The following ANKFN1 variants were observed in gnomAD, a reference collection of about 807,000 sequenced individuals.
ANKFN1 encodes ankyrin repeat and fibronectin type III domain containing 1, also known as ankyrin repeat and fibronectin type-III domain-containing protein 1.
Under a neutral mutation model 108.7 loss-of-function variants are expected in ANKFN1, and 74 were observed. That is an observed-to-expected ratio of 0.68 (90% CI 0.56 to 0.83). The LOEUF is 0.83. ANKFN1 is among the 40% of genes least tolerant of loss of function. The pLI is 0.00. For synonymous variants in ANKFN1, 547 were observed against 516.2 expected, an observed-to-expected ratio of 1.06 and a Z score of -0.81; for missense variants, 1,505 against 1,382.3, an observed-to-expected ratio of 1.09 and a Z score of -1.41.
intron 1 of ANKFN1, among the ~76,000 whole-genome samples, chr17:56,156,861 T>TCACA (rs1344171651): frequency 1.3e-5 from 2 of 152,220 alleles, no homozygotes; most frequent in Non-Finnish European, 2.9e-5. Flanking sequence ...GTGGCTGCTT[T>TCACA]CACACCAGGG....
chr17:56,071,591 G>A (rs1359642406), intron 4 of ANKFN1, among the ~76,000 whole-genome samples: 1 of 152,174 alleles, frequency 6.6e-6, no homozygotes, highest in East Asian at 1.9e-4. Flanking sequence ...CCAACTGCCT[G>A]TAAAGTGGAC....
chr17:56,366,746 G>C (rs931046013), intron 6 of ANKFN1, among the ~76,000 whole-genome samples: 3 of 152,178 alleles, frequency 2.0e-5, no homozygotes, highest in African/African-American at 7.2e-5. Flanking sequence ...ATAGAGTCTG[G>C]CTGTGTGGTA....
Position 56,466,459 on chromosome 17 carries a change from A to T in ANKFN1, c.1661A>T (p.Tyr554Phe). The change falls in exon 15 of 21, where the codon TAT becomes TTT. Residue 554 changes from tyrosine to phenylalanine, a missense_variant. Tyr to Phe is a conservative substitution (Grantham distance 22). Transcript: ENST00000682825. ...ACCATCAGGGAGGTGGAGATGCTTT[A>T]TTCATTTTTTAATGGCAAATGGATG... ...IVTIREVEMLYSFFNGKWMQI... is the reference protein window; with the variant it reads ...IVTIREVEMLFSFFNGKWMQI... 1.2e-6 allele frequency: 2 copies of T among 1,614,168 alleles called. No individual in the cohort carries two copies. The highest frequency in any genetic ancestry group is 1.7e-6 in the Non-Finnish European group (2 of 1,180,030).
intron 9 of ANKFN1, among the ~76,000 whole-genome samples, chr17:56,441,903 C>CT (rs980270788): frequency 6.9e-4 from 100 of 145,738 alleles, no homozygotes; most frequent in South Asian, 1.3e-3. Context: ...CAAAGATGTG[C>CT]TTTTTTTTTT....
chr17:56,261,647 A>G (rs1008391708), intron 3 of ANKFN1, among the ~76,000 whole-genome samples: 30 of 152,212 alleles, frequency 2.0e-4, no homozygotes, highest in Admixed American at 5.9e-4. Context: ...TCCCATGTTC[A>G]AGGGCAGGAA....
intron 14 of ANKFN1, among the ~76,000 whole-genome samples, chr17:56,459,972 C>A (rs2049845169): frequency 6.6e-6 from 1 of 151,794 alleles, no homozygotes; most frequent in East Asian, 1.9e-4. Flanking sequence ...GAAAATATTC[C>A]ATTTTCTCCT....
At chr17:56,109,000 T>G (rs559649571) in intron 4 of ANKFN1, among the ~76,000 whole-genome samples, 1 of 152,194 alleles carries the variant, frequency 6.6e-6, no homozygotes, top group Non-Finnish European at 1.5e-5. Flanking sequence ...TAATCATTAA[T>G]AGAGTGGTTA....
At chr17:56,210,045 GATAGATAGATAGATAC>G (rs987235117) in intron 1 of ANKFN1, among the ~76,000 whole-genome samples, 29 of 145,502 alleles carry the variant, frequency 2.0e-4, no homozygotes, top group East Asian at 1.4e-3. Context: ...GTATATTATA[GATAGATAGATAGATAC>G]ATAGATAGAT....
rs138782531 is a variant in ANKFN1, at chr17:56,164,648, G to T, written c.-71+11118G>T. Among the ~76,000 whole-genome samples the T allele has an allele frequency of 4.3e-4, 66 of 152,286 alleles. 1 individual carries two copies. The East Asian group carries it at 0.011, about 25-fold the overall frequency. On this transcript the variant is annotated intron_variant, in intron 1 of 20. Transcript: ENST00000682825. ...AGCCTCTTTATTTGAAAATAGCAAA[G>T]TCTTTTTAACACAGTCAAATGCCCC...
chr17:56,328,678 C>A (rs1049207570), intron 4 of ANKFN1, among the ~76,000 whole-genome samples: 3 of 151,978 alleles, frequency 2.0e-5, no homozygotes, highest in African/African-American at 7.3e-5. Context: ...TTAGACAATA[C>A]CATCTCAATT....
rs183282741 is a variant in ANKFN1 at position 56,350,911 on chromosome 17, G to C, written c.334G>C (p.Asp112His). ...ACTGAAAGGGAGCCACTCTTCCTTC[G>C]ATGAGGCCTATTTTAGGACAAGAAC... ...EKLKGSHSSFDEAYFRTRTDR... is the reference protein window; with the variant it reads ...EKLKGSHSSFHEAYFRTRTDR... Residue 112 changes from aspartate to histidine, a missense_variant, in exon 5 of 21, where the codon GAT (aspartate) becomes CAT (histidine). Coordinates refer to ENST00000682825, the MANE Select transcript of ANKFN1 (RefSeq NM_001370326.1). 1.2e-6 allele frequency: 2 copies of C among 1,613,732 alleles called. No individual in the cohort carries two copies. Among genetic ancestry groups the C allele is most frequent in the East Asian group, 2.2e-5 (1 of 44,842 alleles).
At chr17:56,231,768 C>T (rs975746509) in intron 3 of ANKFN1, among the ~76,000 whole-genome samples, 4 of 152,132 alleles carry the variant, frequency 2.6e-5, no homozygotes, top group Non-Finnish European at 4.4e-5. Flanking sequence ...CCAAATTTCA[C>T]GTATTTCGGG....
intron 4 of ANKFN1, among the ~76,000 whole-genome samples, chr17:56,140,891 A>T (rs535905389): frequency 6.6e-6 from 1 of 152,188 alleles, no homozygotes; most frequent in Non-Finnish European, 1.5e-5. Flanking sequence ...TACACTCCCA[A>T]GTAGGACATC....
intron 2 of ANKFN1, among the ~76,000 whole-genome samples, chr17:56,227,615 T>C (rs1459966445): frequency 1.3e-5 from 2 of 152,164 alleles, no homozygotes; most frequent in Admixed American, 1.3e-4. Context: ...CCATGTTTTC[T>C]GTCTCCAAGA....
intron 8 of ANKFN1, among the ~76,000 whole-genome samples, chr17:56,384,288 C>T (rs1387700427): frequency 6.6e-6 from 1 of 152,134 alleles, no homozygotes; most frequent in Non-Finnish European, 1.5e-5. Context: ...ACCCTTCATG[C>T]TAAAAACTCT....
chr17:56,374,592 C>G lies in ANKFN1; in HGVS notation c.797-9C>G, dbSNP rs2144779743. The G allele has an allele frequency of 6.2e-7, 1 of 1,600,914 alleles. No individual in the cohort carries two copies. The highest frequency in any genetic ancestry group is 1.1e-5 in the South Asian group (1 of 90,392). ...TGTTAAGATCCTTGTGTTTTTCCTT[C>G]TGTCCCAGGAGCCCCTGAGATGCCA... On this transcript the variant is annotated splice_polypyrimidine_tract_variant and intron_variant, in intron 7 of 20. Transcript: ENST00000682825.
At chr17:56,168,508 G>T (rs1910363967) in intron 1 of ANKFN1, among the ~76,000 whole-genome samples, 1 of 152,082 alleles carries the variant, frequency 6.6e-6, no homozygotes, top group South Asian at 2.1e-4. Flanking sequence ...ATTTAAATAA[G>T]AAATTTGCAA....
chr17:56,069,137 ATGTT>A (rs1905093544), intron 4 of ANKFN1, among the ~76,000 whole-genome samples: 1 of 152,142 alleles, frequency 6.6e-6, no homozygotes, highest in South Asian at 2.1e-4. Flanking sequence ...AACCATGAAA[ATGTT>A]TGTGTGGGTG....
chr17:56,134,417 T>C (rs1396953751), intron 4 of ANKFN1, among the ~76,000 whole-genome samples: 1 of 152,124 alleles, frequency 6.6e-6, no homozygotes, highest in Non-Finnish European at 1.5e-5. Flanking sequence ...GGCTGAAAGC[T>C]CCAAGCTTGT....
Sources: gnomAD v4.1 joint callset for allele counts (sites outside exome capture counted in the v4.1 genomes callset) on GRCh38, gnomAD v4.1.1 for gene constraint, MANE v1.5 for transcripts, NCBI Gene and HGNC (gene_info 2026-07-23, HGNC 2026-07-21) for gene names.